Variants in ERBB4 observed in about 807,000 individuals in gnomAD.
ERBB4 encodes erb-b2 receptor tyrosine kinase 4, also known as receptor tyrosine-protein kinase erbB-4.
ERBB4 carries 42 observed loss-of-function variants against 158.0 expected under a neutral mutation model. That is an observed-to-expected ratio of 0.27 (90% CI 0.21 to 0.34). ERBB4 has a LOEUF of 0.34. Among genes scored for constraint, ERBB4 ranks in the 10% least tolerant of loss-of-function variants. The pLI, the probability that ERBB4 is intolerant of heterozygous loss-of-function variation, is 1.00. For missense variants in ERBB4, 1,333 were observed against 1,624.1 expected (o/e 0.82, Z 3.08); for synonymous variants, 583 against 558.7 (o/e 1.04, Z -0.61).
At chr2:211,863,978 C>T (rs1001496019) in intron 3 of ERBB4, among the ~76,000 whole-genome samples, 2 of 152,208 alleles carry the variant, frequency 1.3e-5, no homozygotes, top group South Asian at 2.1e-4. Flanking sequence ...CCAGAGTGAG[C>T]CTCTGTTAGA....
chr2:211,779,897 C>A (rs532595527), intron 4 of ERBB4: 1 of 152,110 alleles, frequency 6.6e-6, no homozygotes, highest in African/African-American at 2.4e-5. Flanking sequence ...ATAGGCTAAA[C>A]CCTATATGTC....
At chr2:211,668,556 AC>A in intron 14 of ERBB4, among the ~76,000 whole-genome samples, 1 of 152,246 alleles carries the variant, frequency 6.6e-6, no homozygotes, top group East Asian at 1.9e-4. Flanking sequence ...TAGACAGACA[AC>A]TAAAGGATAG....
chr2:212,116,085 T>C (rs988791207), intron 2 of ERBB4, among the ~76,000 whole-genome samples: 3 of 152,036 alleles, frequency 2.0e-5, no homozygotes, highest in Admixed American at 2.0e-4. Flanking sequence ...TAGTAGGTTA[T>C]ACTTAACTAG....
chr2:212,181,015 C>T (rs767037337), intron 1 of ERBB4, among the ~76,000 whole-genome samples: 1 of 151,566 alleles, frequency 6.6e-6, no homozygotes, highest in African/African-American at 2.4e-5. Flanking sequence ...TTAATGCTAA[C>T]AACTGTTGAT....
intron 1 of ERBB4, among the ~76,000 whole-genome samples, chr2:212,375,698 C>T (rs755494392): frequency 6.6e-6 from 1 of 152,010 alleles, no homozygotes; most frequent in Non-Finnish European, 1.5e-5. Context: ...CCAAAATAAA[C>T]TCATACTAAC....
intron 1 of ERBB4, among the ~76,000 whole-genome samples, chr2:212,510,764 T>G (rs1226198957): frequency 6.6e-6 from 1 of 152,046 alleles, no homozygotes; most frequent in Non-Finnish European, 1.5e-5. Flanking sequence ...ACATAATATT[T>G]CATTCATATT....
intron 2 of ERBB4, among the ~76,000 whole-genome samples, chr2:212,024,684 G>T (rs1273952623): frequency 6.6e-6 from 1 of 151,874 alleles, no homozygotes; most frequent in African/African-American, 2.4e-5. Flanking sequence ...CTCTTCATGT[G>T]TTGTCCTCCA....
chr2:211,980,556 C>T (rs1055513238), intron 2 of ERBB4, among the ~76,000 whole-genome samples: 2 of 152,064 alleles, frequency 1.3e-5, no homozygotes, highest in Admixed American at 1.3e-4. Context: ...ACAGTCATCC[C>T]TTAGTATTTA....
intron 1 of ERBB4, among the ~76,000 whole-genome samples, chr2:212,342,342 C>T (rs1005902885): frequency 6.6e-6 from 1 of 152,024 alleles, no homozygotes; most frequent in Non-Finnish European, 1.5e-5. Flanking sequence ...TGGGTTTTTC[C>T]CGTGCTGTTC....
At chr2:211,965,242 T>A (rs2081281340) in intron 2 of ERBB4, among the ~76,000 whole-genome samples, 1 of 152,202 alleles carries the variant, frequency 6.6e-6, no homozygotes, top group Non-Finnish European at 1.5e-5. Context: ...TAGACCAATA[T>A]TCTCAGTATG....
chr2:212,140,142 C>A (rs549812594), intron 1 of ERBB4, among the ~76,000 whole-genome samples: 139 of 151,464 alleles, frequency 9.2e-4, no homozygotes, highest in African/African-American at 3.3e-3. Flanking sequence ...AAGATCCATG[C>A]AGTTGCATCA....
chr2:211,449,027 A>G (rs2064178585), intron 20 of ERBB4, among the ~76,000 whole-genome samples: 1 of 152,106 alleles, frequency 6.6e-6, no homozygotes, highest in African/African-American at 2.4e-5. Flanking sequence ...CATCAACTTT[A>G]ATCATCTTTA....
intron 2 of ERBB4, among the ~76,000 whole-genome samples, chr2:212,059,350 A>G (rs2077685133): frequency 6.6e-6 from 1 of 152,238 alleles, no homozygotes. Flanking sequence ...CAATATTATG[A>G]AAATGGCCAT....
chr2:212,280,458 A>C (rs1174463854), intron 1 of ERBB4, among the ~76,000 whole-genome samples: 2 of 151,730 alleles, frequency 1.3e-5, no homozygotes, highest in African/African-American at 4.8e-5. Context: ...GAAGTGATTC[A>C]TAGTTTTCCC....
At chr2:212,161,229 A>C (rs1177077291) in intron 1 of ERBB4, among the ~76,000 whole-genome samples, 1 of 152,026 alleles carries the variant, frequency 6.6e-6, no homozygotes, top group East Asian at 1.9e-4. Flanking sequence ...TCACTCATCT[A>C]TCCTCATATT....
At chr2:212,083,629 C>T (rs112225556) in intron 2 of ERBB4, among the ~76,000 whole-genome samples, 121 of 151,730 alleles carry the variant, frequency 8.0e-4, no homozygotes, top group African/African-American at 2.7e-3. Flanking sequence ...GGATTTATTA[C>T]CACCCCTCCC....
At chr2:211,710,870 C>T (rs923385470) in intron 9 of ERBB4, among the ~76,000 whole-genome samples, 39 of 152,042 alleles carry the variant, frequency 2.6e-4, no homozygotes, top group African/African-American at 8.0e-4. Flanking sequence ...ACTGTGAGTC[C>T]ACCGAACCTC....
At chr2:212,486,276 A>T (rs1400975397) in intron 1 of ERBB4, among the ~76,000 whole-genome samples, 1 of 151,780 alleles carries the variant, frequency 6.6e-6, no homozygotes, top group African/African-American at 2.4e-5. Flanking sequence ...TACAAAAAAC[A>T]TAAAACACAT....
intron 1 of ERBB4, among the ~76,000 whole-genome samples, chr2:212,300,320 T>A (rs1326628826): frequency 6.6e-6 from 1 of 151,558 alleles, no homozygotes; most frequent in African/African-American, 2.4e-5. Flanking sequence ...ATGCTCTTGA[T>A]TTTAACATTT....
Sources: gnomAD v4.1 joint callset for allele counts (sites outside exome capture counted in the v4.1 genomes callset) on GRCh38, gnomAD v4.1.1 for gene constraint, MANE v1.5 for transcripts, NCBI Gene and HGNC (gene_info 2026-07-23, HGNC 2026-07-21) for gene names.